The following ABHD17C variants were observed in gnomAD, a reference collection of about 807,000 sequenced individuals.
ABHD17C encodes abhydrolase domain containing 17C, depalmitoylase.
A neutral mutation model predicts 27.9 loss-of-function variants in ABHD17C; 11 were observed. The observed-to-expected ratio is 0.39, with a 90% CI of 0.25 to 0.65. The LOEUF (loss-of-function observed/expected upper bound fraction) is 0.65. Among genes scored for constraint, ABHD17C ranks in the 30% least tolerant of loss-of-function variants. ABHD17C has a pLI of 0.45. For missense variants in ABHD17C, 280 were observed against 470.2 expected (o/e 0.60, Z 3.74); for synonymous variants, 233 against 209.1 (o/e 1.11, Z -0.98).
chr15:80,695,757 T>G lies in ABHD17C; in HGVS notation c.328T>G (p.Phe110Val), dbSNP rs1894485427. The change falls in exon 1 of 3, where the codon TTC becomes GTC. Residue 110 changes from phenylalanine to valine, a missense_variant. By Grantham distance (50) the Phe-to-Val change is conservative (BLOSUM62 -1). Transcript: ENST00000258884. This position sits in a 1 kb window ranked among gnomAD's most constrained non-coding sequence, Gnocchi z 4.3. ...SQRELDAVEV[F>V]FSRTARDNRL... ...GCGCGAGCTGGACGCCGTCGAGGTC[T>G]TCTTCTCGCGCACGGCCCGGGACAA... 2.0e-6 allele frequency: 3 copies of G among 1,537,802 alleles called. No homozygotes were observed. Among genetic ancestry groups the G allele is most frequent in the Middle Eastern group, 1.9e-4 (1 of 5,370 alleles).
chr15:80,722,547 C>CTT (rs200300358), intron 1 of ABHD17C, among the ~76,000 whole-genome samples: 2 of 145,696 alleles, frequency 1.4e-5, no homozygotes, highest in South Asian at 2.2e-4. Context: ...CTTGCCCACC[C>CTT]TTTTTTTTTT....
At chr15:80,748,425 C>T (rs147856618) in intron 1 of ABHD17C, among the ~76,000 whole-genome samples, 5 of 152,208 alleles carry the variant, frequency 3.3e-5, no homozygotes, top group East Asian at 1.9e-4. Context: ...ATGTCCTTGC[C>T]GTCTTTCAAC....
chr15:80,727,107 C>T (rs1306521000), intron 1 of ABHD17C, among the ~76,000 whole-genome samples: 3 of 152,304 alleles, frequency 2.0e-5, no homozygotes, highest in African/African-American at 7.2e-5. Flanking sequence ...ACAGTTAACT[C>T]GTCTGAAAGT....
intron 1 of ABHD17C, among the ~76,000 whole-genome samples, chr15:80,744,871 T>C (rs1475112991): frequency 6.6e-6 from 1 of 152,234 alleles, no homozygotes; most frequent in Non-Finnish European, 1.5e-5. Flanking sequence ...AAGCTCCTTT[T>C]CATTGCTTTT....
chr15:80,709,674 G>T (rs569646852), intron 1 of ABHD17C, among the ~76,000 whole-genome samples: 1 of 152,130 alleles, frequency 6.6e-6, no homozygotes, highest in East Asian at 1.9e-4. Flanking sequence ...CTGTTCAGCA[G>T]CCCCGCCTCA....
intron 1 of ABHD17C, among the ~76,000 whole-genome samples, chr15:80,708,106 A>C (rs889000890): frequency 6.6e-6 from 1 of 152,070 alleles, no homozygotes; most frequent in Non-Finnish European, 1.5e-5. Flanking sequence ...CCAGGCTCCA[A>C]GTCACAGAGT....
At chr15:80,746,295 T>C (rs996579357) in intron 1 of ABHD17C, among the ~76,000 whole-genome samples, 4 of 152,174 alleles carry the variant, frequency 2.6e-5, no homozygotes, top group Non-Finnish European at 5.9e-5. Context: ...AGTTGTCTTA[T>C]TGATTTGTAG....
chr15:80,749,114 A>G (rs947929981), intron 1 of ABHD17C, among the ~76,000 whole-genome samples: 14 of 152,238 alleles, frequency 9.2e-5, no homozygotes, highest in African/African-American at 2.6e-4. Flanking sequence ...TAATATTGCA[A>G]TTTGCCAAAC....
chr15:80,712,763 T>C (rs1752951219), intron 1 of ABHD17C, among the ~76,000 whole-genome samples: 1 of 152,206 alleles, frequency 6.6e-6, no homozygotes, highest in South Asian at 2.1e-4. Flanking sequence ...ACTTCAAGTG[T>C]CACTTGATAA....
chr15:80,722,214 GTTTA>G (rs1183352589), intron 1 of ABHD17C, among the ~76,000 whole-genome samples: 3 of 151,042 alleles, frequency 2.0e-5, no homozygotes, highest in Non-Finnish European at 4.4e-5. Context: ...GCTGTTGTAA[GTTTA>G]TTTCTTTCTA....
intron 1 of ABHD17C, among the ~76,000 whole-genome samples, chr15:80,712,707 CT>C (rs1176026570): frequency 6.6e-6 from 1 of 152,126 alleles, no homozygotes; most frequent in Admixed American, 6.5e-5. Context: ...TTTTATAATA[CT>C]TGGGAAAAGT....
Position 80,708,293 on chromosome 15 carries a change from TTTTTG to T in ABHD17C, c.590+12303_590+12307del, listed in dbSNP as rs570879028. Among the ~76,000 whole-genome samples the T allele has an allele frequency of 1.5e-3, 226 of 151,774 alleles. 3 individuals are homozygous for T. In the Middle Eastern group the frequency reaches 0.02, roughly 14 times the overall value. ...TCCCCACCTCACATTCTTCTCTATT[TTTTTG>T]TTTTGTTTTGTTTTGTTTTGTTTTG... On this transcript the variant is annotated intron_variant, in intron 1 of 2. Transcript: ENST00000258884.
intron 1 of ABHD17C, among the ~76,000 whole-genome samples, chr15:80,699,270 G>C (rs1157619975): frequency 6.6e-6 from 1 of 152,184 alleles, no homozygotes; most frequent in African/African-American, 2.4e-5. Context: ...AAAATAATAG[G>C]TAGTCATTGG....
In ABHD17C at chr15:80,748,547, T is replaced by G. The variant is rs145262064; in HGVS notation, c.591-966T>G. On this transcript the variant is annotated intron_variant, in intron 1 of 2. Coordinates refer to ENST00000258884, the MANE Select transcript of ABHD17C (RefSeq NM_021214.2). ...ATTATCACATCTTTCTATGTGTGTATTAGACATTCGTCTTCATTTCTTTCG... is the reference window on the plus strand; with the variant it reads ...ATTATCACATCTTTCTATGTGTGTAGTAGACATTCGTCTTCATTTCTTTCG... Among the ~76,000 whole-genome samples the G allele has an allele frequency of 3.6e-3, 549 of 152,272 alleles. 5 individuals are homozygous for G. Among genetic ancestry groups the G allele is most frequent in the African/African-American group, 0.013 (530 of 41,562 alleles).
chr15:80,749,480 T>A, intron 1 of ABHD17C, 33 bp from the exon 2 acceptor site: 1 of 1,604,836 alleles, frequency 6.2e-7, no homozygotes, highest in Non-Finnish European at 8.5e-7. Context: ...CTTCATACCT[T>A]AGCTAATGGC....
rs1249159775 is a variant in ABHD17C, at chr15:80,729,079, A to G, written c.591-20434A>G. Among the ~76,000 whole-genome samples, 12 of 152,136 alleles carry G rather than the reference A, an allele frequency of 7.9e-5. No homozygotes were observed. In the East Asian group the frequency reaches 1.9e-3, roughly 24 times the overall value. On this transcript the variant is annotated intron_variant, in intron 1 of 2. Transcript: ENST00000258884. ...AGACTATAAGACCCATGAGAGTAAA[A>G]CTCAGGTCTTCCTTGTTTATTATCG...
At chr15:80,726,866 G>A (rs1894987985) in intron 1 of ABHD17C, among the ~76,000 whole-genome samples, 1 of 152,160 alleles carries the variant, frequency 6.6e-6, no homozygotes, top group Admixed American at 6.6e-5. Flanking sequence ...TAAGGAATGT[G>A]CCATAGCTTT....
At chr15:80,715,128 T>C (rs1455021746) in intron 1 of ABHD17C, among the ~76,000 whole-genome samples, 1 of 152,110 alleles carries the variant, frequency 6.6e-6, no homozygotes, top group African/African-American at 2.4e-5. Flanking sequence ...CCTAGAGAGG[T>C]TCCCCCCCAT....
Position 80,755,186 on chromosome 15 carries a change from A to C in ABHD17C, c.*816A>C, listed in dbSNP as rs928478331. 1 of 152,242 alleles carries C rather than the reference A, an allele frequency of 6.6e-6. No homozygotes were observed. The highest frequency in any genetic ancestry group is 1.5e-5 in the Non-Finnish European group (1 of 68,046). 9.4% of individuals were successfully genotyped at this position (152,242 alleles called of 1,614,324 possible). On this transcript the variant is annotated 3_prime_UTR_variant, in exon 3 of 3. Coordinates refer to ENST00000258884, the MANE Select transcript of ABHD17C (RefSeq NM_021214.2). ...TTGTCAGGCTACAACAATGAACTGC[A>C]GATTCCTTGTTTGTAATGTAAATGA...
Sources: allele counts gnomAD v4.1 joint callset (sites outside exome capture counted in the v4.1 genomes callset), GRCh38; gene constraint gnomAD v4.1.1; non-coding constraint Gnocchi (gnomAD v3.1); transcripts MANE v1.5; gene names NCBI Gene and HGNC (gene_info 2026-07-23, HGNC 2026-07-21).